Variants in TENM2 observed in about 807,000 individuals in gnomAD.
The protein encoded by TENM2 is teneurin-2.
A neutral mutation model predicts 245.2 loss-of-function variants in TENM2; 52 were observed. The observed-to-expected ratio is 0.21, with a 90% CI of 0.17 to 0.27. The LOEUF is 0.27. Among genes scored for constraint, TENM2 ranks in the 10% least tolerant of loss-of-function variants. TENM2 has a pLI of 1.00. For missense variants in TENM2, 3,046 were observed against 3,666.8 expected (o/e 0.83, Z 4.37); for synonymous variants, 1,363 against 1,438.9 (o/e 0.95, Z 1.19).
intron 2 of TENM2, among the ~76,000 whole-genome samples, chr5:167,553,153 C>G (rs1456401474): frequency 6.6e-6 from 1 of 152,170 alleles, no homozygotes; most frequent in African/African-American, 2.4e-5. Flanking sequence ...GGAAACGAGT[C>G]ATGTGCTGAA....
At chr5:167,922,654 C>T (rs1287817315) in intron 3 of TENM2, among the ~76,000 whole-genome samples, 1 of 152,212 alleles carries the variant, frequency 6.6e-6, no homozygotes, top group Non-Finnish European at 1.5e-5. Flanking sequence ...GGTTCTCAGC[C>T]ACTTCCTGCT....
At chr5:167,004,353 A>G in the TENM2 span, among the ~76,000 whole-genome samples, 3 of 152,226 alleles carry the variant, frequency 2.0e-5, no homozygotes, top group African/African-American at 7.2e-5. Context: ...GTCATGTTTT[A>G]TAGAAACTCT....
chr5:167,506,145 AC>A (rs1769531392), intron 2 of TENM2, among the ~76,000 whole-genome samples: 1 of 152,228 alleles, frequency 6.6e-6, no homozygotes, highest in African/African-American at 2.4e-5. Context: ...TGATGGAAGT[AC>A]CAAAAAAATG....
chr5:168,166,425 T>C (rs541234714), intron 13 of TENM2, among the ~76,000 whole-genome samples: 9 of 152,190 alleles, frequency 5.9e-5, no homozygotes, highest in South Asian at 2.1e-4. Context: ...AAATAACAGA[T>C]AGAGATATTT....
At chr5:167,357,107 G>T (rs907945780) in intron 1 of TENM2, among the ~76,000 whole-genome samples, 1 of 151,834 alleles carries the variant, frequency 6.6e-6, no homozygotes, top group Non-Finnish European at 1.5e-5. Flanking sequence ...CCAATATTTT[G>T]AGGAAAAAGG....
intron 2 of TENM2, among the ~76,000 whole-genome samples, chr5:167,792,309 CA>C (rs1765032148): frequency 6.6e-6 from 1 of 152,012 alleles, no homozygotes; most frequent in African/African-American, 2.4e-5. Context: ...CAGGATCAGC[CA>C]TTGCCTTTGG....
intron 4 of TENM2, among the ~76,000 whole-genome samples, chr5:167,989,740 A>T (rs1783529338): frequency 6.6e-6 from 1 of 152,078 alleles, no homozygotes; most frequent in Non-Finnish European, 1.5e-5. Flanking sequence ...TCATTAAGCT[A>T]TTGGATGGGG....
At chr5:168,082,317 A>G (rs999273391) in intron 7 of TENM2, among the ~76,000 whole-genome samples, 3 of 152,176 alleles carry the variant, frequency 2.0e-5, no homozygotes, top group Non-Finnish European at 4.4e-5. Context: ...TGTTTATTCT[A>G]GTTAGCCATT....
the TENM2 span, among the ~76,000 whole-genome samples, chr5:167,199,642 C>T: frequency 5.3e-5 from 8 of 152,080 alleles, no homozygotes; most frequent in African/African-American, 1.9e-4. Context: ...TGAATCTTTC[C>T]AGCAGTATCC....
At chr5:167,429,932 A>G (rs1257647608) in intron 2 of TENM2, among the ~76,000 whole-genome samples, 1 of 152,148 alleles carries the variant, frequency 6.6e-6, no homozygotes. Flanking sequence ...GGAGACTTAC[A>G]AAAAGGAGAT....
At chr5:167,367,344 A>G (rs917067797) in intron 1 of TENM2, among the ~76,000 whole-genome samples, 1 of 152,216 alleles carries the variant, frequency 6.6e-6, no homozygotes, top group African/African-American at 2.4e-5. Context: ...CATATATTAA[A>G]AAATGTAATT....
At chr5:168,227,785 T>G in intron 24 of TENM2, 110 bp from the exon 27 acceptor site, 1 of 693,238 alleles carries the variant, frequency 1.4e-6, no homozygotes, top group Non-Finnish European at 2.4e-6. Flanking sequence ...GACTAATGGC[T>G]GCAAAGTACC....
At chr5:167,084,365 A>ATATATATG in the TENM2 span, among the ~76,000 whole-genome samples, 4 of 122,480 alleles carry the variant, frequency 3.3e-5, no homozygotes, top group African/African-American at 9.1e-5. Flanking sequence ...ATATATATAT[A>ATATATATG]TACAGATCAG....
chr5:168,228,145 C>G lies in TENM2; in HGVS notation c.5520+15C>G. On this transcript the variant is annotated intron_variant, in intron 25 of 28. Transcript: ENST00000518659. ...GGAAGCTCCGGGTAAGTGGTTCCAC[C>G]CAATCTGTTACCACAGAGTGGGAGG... 6.7e-7 allele frequency: 1 copy of G among 1,489,880 alleles called. No individual in the cohort carries two copies. Among genetic ancestry groups the G allele is most frequent in the Non-Finnish European group, 8.8e-7 (1 of 1,131,216 alleles). The allele number at this position is 1,489,880 out of a possible 1,614,324, so 92.3% of individuals were successfully genotyped here. A position where few individuals can be genotyped will look rare whatever the true frequency, so the allele number is the denominator to read the frequency against.
chr5:167,027,508 A>T, the TENM2 span, among the ~76,000 whole-genome samples: 1 of 152,226 alleles, frequency 6.6e-6, no homozygotes, highest in Admixed American at 6.5e-5. Context: ...AACTTTTAAA[A>T]AATGGTAACA....
At chr5:167,098,470 C>G in the TENM2 span, among the ~76,000 whole-genome samples, 1 of 152,196 alleles carries the variant, frequency 6.6e-6, no homozygotes, top group African/African-American at 2.4e-5. Context: ...GTCCTACACC[C>G]TGACAGTGTG....
chr5:167,345,362 A>G (rs555113619), intron 1 of TENM2, among the ~76,000 whole-genome samples: 11 of 152,382 alleles, frequency 7.2e-5, no homozygotes, highest in Admixed American at 3.9e-4. Flanking sequence ...CAATGGGGAC[A>G]CAAATGTTCT....
exon 29 of TENM2, chr5:168,262,920 AG>A: frequency 9.5e-7 from 1 of 1,049,880 alleles, no homozygotes; most frequent in Non-Finnish European, 1.4e-6. Context: ...GGGCTGCTTT[AG>A]GAGACCAAGT....
intron 2 of TENM2, among the ~76,000 whole-genome samples, chr5:167,622,744 A>G (rs1778256541): frequency 6.6e-6 from 1 of 152,168 alleles, no homozygotes; most frequent in Non-Finnish European, 1.5e-5. Context: ...GCAGCCAGAA[A>G]GAGGGATAAG....
Sources: allele counts gnomAD v4.1 joint callset (sites outside exome capture counted in the v4.1 genomes callset), GRCh38; gene constraint gnomAD v4.1.1; transcripts MANE v1.5; gene names NCBI Gene and HGNC (gene_info 2026-07-23, HGNC 2026-07-21).